Variants in CUBN observed in about 807,000 individuals in gnomAD.
CUBN encodes the protein cubilin, also known as 460 kDa receptor.
CUBN carries 282 observed loss-of-function variants against 405.3 expected under a neutral mutation model. The observed-to-expected ratio is 0.70, with a 90% CI of 0.63 to 0.77. The LOEUF (loss-of-function observed/expected upper bound fraction) is 0.77, where lower values mean the gene tolerates loss of function less well. Among genes scored for constraint, CUBN ranks in the 30% least tolerant of loss-of-function variants. The pLI, the probability that CUBN is intolerant of heterozygous loss-of-function variation, is 0.00. For missense variants in CUBN, 4,514 were observed against 4,475.2 expected, an observed-to-expected ratio of 1.01 and a Z score of -0.25; for synonymous variants, 1,684 against 1,617.0, an observed-to-expected ratio of 1.04 and a Z score of -0.99.
At position 17,122,971 on chromosome 10, in the gene CUBN, C is replaced by A. The variant is rs1024931012; in HGVS notation, c.490-73G>T. ...ATCTGGAGCGAACATTCACATGATA[C>A]GTTTAAGGATTTATACGTGGACAGT... On this transcript the variant is annotated intron_variant, in intron 5 of 66. Coordinates refer to ENST00000377833, the MANE Select transcript of CUBN (RefSeq NM_001081.4). 5.9e-6 allele frequency: 6 copies of A among 1,012,046 alleles called. No individual in the cohort carries two copies. In the African/African-American group the frequency reaches 7.9e-5, roughly 13 times the overall value. 62.7% of individuals were successfully genotyped at this position (1,012,046 alleles called of 1,614,324 possible).
chr10:17,083,192 T>C (rs566108051), intron 17 of CUBN, among the ~76,000 whole-genome samples: 1 of 152,228 alleles, frequency 6.6e-6, no homozygotes, highest in South Asian at 2.1e-4. Context: ...GAAATGATCT[T>C]AAATAAAAAT....
At chr10:17,055,754 T>C (rs780452596) in intron 22 of CUBN, among the ~76,000 whole-genome samples, 3 of 152,150 alleles carry the variant, frequency 2.0e-5, no homozygotes, top group Non-Finnish European at 4.4e-5. Context: ...AAAACTTTAT[T>C]GCTGAAGGAA....
rs1229490291 is a variant in CUBN, at chr10:16,843,894, T to C, written c.9664-2847A>G. Among the ~76,000 whole-genome samples the C allele has an allele frequency of 2.0e-5, 3 of 152,126 alleles. No homozygotes were observed. In the East Asian group the frequency reaches 5.8e-4, roughly 29 times the overall value. ...ATACAAAATAGAGAAAAATAAGTGC[T>C]ACAATAAAATAATGGGAGTGTATCA... On this transcript the variant is annotated intron_variant, in intron 60 of 66. Coordinates refer to ENST00000377833, the MANE Select transcript of CUBN (RefSeq NM_001081.4).
chr10:17,113,164 G>A (rs1279944446), intron 8 of CUBN, among the ~76,000 whole-genome samples: 1 of 151,968 alleles, frequency 6.6e-6, no homozygotes, highest in Non-Finnish European at 1.5e-5. Context: ...ACTCGGGAGG[G>A]TGAGGCAGGA....
In CUBN at chr10:16,835,183, T is replaced by C. The variant is rs1839132633; in HGVS notation, c.10193A>G (p.Asp3398Gly). Residue 3398 changes from aspartate (D) to glycine (G), a missense_variant, in exon 64 of 67, where the codon GAC (aspartate) becomes GGC (glycine). By Grantham distance (94) the Asp-to-Gly change is moderately conservative. This residue lies in a region of CUBN where 1,186 missense variants were observed against 1,186.9 expected (regional missense o/e 1.00). Coordinates refer to ENST00000377833, the MANE Select transcript of CUBN (RefSeq NM_001081.4). ...CAGGTTGCCAAATGCCTTGTGATAGTCTCTGTTGCAATCTTAGAGGAAAAA... is the reference window on the plus strand; with the variant it reads ...CAGGTTGCCAAATGCCTTGTGATAGCCTCTGTTGCAATCTTAGAGGAAAAA... ...FTYQIADCNR[D>G]YHKAFGNLRS... 6.2e-7 allele frequency: 1 copy of C among 1,613,756 alleles called. No individual in the cohort carries two copies. The highest frequency in any genetic ancestry group is 2.2e-5 in the East Asian group (1 of 44,886).
rs1564374478 is a variant in CUBN at position 16,831,360 on chromosome 10, G to A, written c.10420C>T (p.Leu3474=). 3 of 1,613,936 alleles carry A rather than the reference G, an allele frequency of 1.9e-6. No homozygotes were observed. The highest frequency in any genetic ancestry group is 2.5e-6 in the Non-Finnish European group (3 of 1,179,818). The change falls in exon 65 of 67, where the codon CTG becomes TTG. Residue 3474 remains leucine (L), a synonymous_variant. Transcript: ENST00000377833. ...TTTTGAGAGAAGACAGGGTTTGGCA[G>A]CAGAGTTCCACAGTACTTGCCCAGT... The part of the protein sequence containing the change: ...PLLGKYCGTL[L]PNPVFSQNNE...
intron 15 of CUBN, among the ~76,000 whole-genome samples, chr10:17,086,167 T>C (rs550178361): frequency 2.6e-5 from 4 of 152,252 alleles, no homozygotes; most frequent in South Asian, 2.1e-4. Flanking sequence ...GGTTTCACCA[T>C]GTTGGCCAGG....
chr10:16,838,920 A>G (rs1377180717), intron 62 of CUBN, among the ~76,000 whole-genome samples: 1 of 152,232 alleles, frequency 6.6e-6, no homozygotes, highest in Non-Finnish European at 1.5e-5. Context: ...TGCTGGGATT[A>G]TAAGCATGAG....
In CUBN at chr10:16,918,644, T is replaced by C. The variant is rs200190000; in HGVS notation, c.6978A>G (p.Gly2326=). The C allele has an allele frequency of 2.5e-6, 4 of 1,613,682 alleles. No individual in the cohort carries two copies. The highest frequency in any genetic ancestry group is 3.3e-5 in the Admixed American group (2 of 59,996). Residue 2326 remains glycine, a synonymous_variant, in exon 45 of 67, where the codon GGA becomes GGG. Coordinates refer to ENST00000377833, the MANE Select transcript of CUBN (RefSeq NM_001081.4). ...TACCTATAGAATACTTGGCCTTGAATCCCACATGTGTGGGGCTGTTGTCAG... is the reference window on the plus strand; with the variant it reads ...TACCTATAGAATACTTGGCCTTGAACCCCACATGTGTGGGGCTGTTGTCAG... ...FRSDNSPTHV[G]FKAKYSIAQC...
In CUBN at chr10:16,918,806, G is replaced by A. The variant is rs762758607; in HGVS notation, c.6822-6C>T. 2.5e-5 allele frequency: 41 copies of A among 1,613,040 alleles called. 1 individual carries two copies. Among genetic ancestry groups the A allele is most frequent in the East Asian group, 1.3e-4 (6 of 44,838 alleles). ...CAAGGTAGTTGGAAGTACAGCTGAA[G>A]TGGGAACAAAATTCTGTTAAATTTA... On this transcript the variant is annotated splice_polypyrimidine_tract_variant and splice_region_variant and intron_variant, in intron 44 of 66. Transcript: ENST00000377833.
Position 17,102,253 on chromosome 10 carries a change from CTATTTATTTATTTATTTATTTATT to C in CUBN, c.1530+848_1530+871del, listed in dbSNP as rs58806014. Among the ~76,000 whole-genome samples the C allele has an allele frequency of 7.1e-3, 1,021 of 144,242 alleles. 13 individuals are homozygous for C. The highest frequency in any genetic ancestry group is 0.024 in the African/African-American group (972 of 39,782). The allele number at this position is 144,242 out of a possible 152,430, so 94.6% of individuals were successfully genotyped here. A position where few individuals can be genotyped will look rare whatever the true frequency, so the allele number is the denominator to read the frequency against. ...TTTCATCTATAAAAGGAGGATCCTCCTATTTATTTATTTATTTATTTATTTATTTATTTATTTATTTATTTATTT... is the reference window on the plus strand; with the variant it reads ...TTTCATCTATAAAAGGAGGATCCTCCTATTTATTTATTTATTTATTTATTT... On this transcript the variant is annotated intron_variant, in intron 13 of 66. Transcript: ENST00000377833.
chr10:16,866,601 T>C (rs1840190606), intron 59 of CUBN, among the ~76,000 whole-genome samples: 1 of 152,232 alleles, frequency 6.6e-6, no homozygotes, highest in African/African-American at 2.4e-5. Flanking sequence ...ATGCAAACTA[T>C]GAACTCGGTT....
chr10:16,828,523 G>C lies in CUBN; in HGVS notation c.10764+282C>G, dbSNP rs186500009. The stretch of plus-strand genomic sequence containing the variant: ...ACCTGAGGTCAGGAGTTCGAGACCA[G>C]CCTGGTCAACATGGCAAAACCCTGT... On this transcript the variant is annotated intron_variant, in intron 66 of 66. Coordinates refer to ENST00000377833, the MANE Select transcript of CUBN (RefSeq NM_001081.4). 3.6e-3 allele frequency among the ~76,000 whole-genome samples: 555 copies of C among 152,256 alleles called. 8 individuals are homozygous for C. Among genetic ancestry groups the C allele is most frequent in the African/African-American group, 0.013 (525 of 41,548 alleles).
chr10:17,109,843 T>C (rs1588648573), intron 9 of CUBN, 108 bp from the exon 10 acceptor site: 9 of 800,486 alleles, frequency 1.1e-5, no homozygotes, highest in East Asian at 5.0e-5. Context: ...GGATCCTCTA[T>C]CATCGAAACA....
chr10:17,023,001 T>C (rs1403013210), intron 27 of CUBN, among the ~76,000 whole-genome samples: 2 of 152,228 alleles, frequency 1.3e-5, no homozygotes, highest in African/African-American at 2.4e-5. Context: ...CGGAATTATA[T>C]TTCAATCCTG....
Position 17,043,986 on chromosome 10 carries a change from T to G in CUBN, c.3673-3A>C, listed in dbSNP as rs1835068725. 6.2e-7 allele frequency: 1 copy of G among 1,611,540 alleles called. No individual in the cohort carries two copies. The highest frequency in any genetic ancestry group is 8.5e-7 in the Non-Finnish European group (1 of 1,178,512). Reference sequence around the variant, plus strand: ...TTGCTACTTGGGCCATCATATACCTTTAAGAAAATATTTTGAATGTTAGAT... The same window carrying G: ...TTGCTACTTGGGCCATCATATACCTGTAAGAAAATATTTTGAATGTTAGAT... On this transcript the variant is annotated splice_polypyrimidine_tract_variant and splice_region_variant and intron_variant, in intron 25 of 66. Transcript: ENST00000377833.
At chr10:16,998,911 A>T (rs1237368439) in intron 28 of CUBN, among the ~76,000 whole-genome samples, 1 of 152,220 alleles carries the variant, frequency 6.6e-6, no homozygotes, top group Non-Finnish European at 1.5e-5. Context: ...AGAGTCAATG[A>T]ACGTTTAGAA....
At chr10:17,064,719 G>A (rs1835574479) in intron 22 of CUBN, among the ~76,000 whole-genome samples, 1 of 152,114 alleles carries the variant, frequency 6.6e-6, no homozygotes, top group Admixed American at 6.5e-5. Context: ...TCTTGGGGCT[G>A]GGAGCATCTC....
chr10:17,106,137 T>G (rs1836624238), intron 10 of CUBN, among the ~76,000 whole-genome samples: 1 of 146,776 alleles, frequency 6.8e-6, no homozygotes, highest in East Asian at 2.1e-4. Context: ...ATACAAAAAT[T>G]AGCCAGGCAT....
Sources: gnomAD v4.1 joint callset for allele counts (sites outside exome capture counted in the v4.1 genomes callset) on GRCh38, gnomAD v4.1.1 for gene constraint, gnomAD v4.1.1 regional missense constraint, MANE v1.5 for transcripts, NCBI Gene and HGNC (gene_info 2026-07-23, HGNC 2026-07-21) for gene names.